Variants in SLC15A5 observed in about 807,000 individuals in gnomAD.
SLC15A5 encodes solute carrier family 15 member 5.
A neutral mutation model predicts 56.1 loss-of-function variants in SLC15A5; 58 were observed. The ratio of observed to expected loss-of-function variants is 1.03; its 90% CI spans 0.84 to 1.29. SLC15A5 has a LOEUF of 1.29. SLC15A5 is among the 50% of genes most tolerant of loss of function. The probability of loss-of-function intolerance (pLI) is 0.00; values close to 1 mark genes in which losing one functional copy is unlikely to be tolerated. For synonymous variants in SLC15A5, 264 were observed against 250.5 expected, an observed-to-expected ratio of 1.05 and a Z score of -0.51; for missense variants, 681 against 672.1, an observed-to-expected ratio of 1.01 and a Z score of -0.15.
chr12:16,214,129 A>T (rs1187218483), intron 7 of SLC15A5, among the ~76,000 whole-genome samples: 2 of 152,218 alleles, frequency 1.3e-5, no homozygotes, highest in African/African-American at 4.8e-5. Context: ...ACATTTAAAA[A>T]ATTAGAATAA....
At chr12:16,197,509 C>G (rs1527009) in intron 7 of SLC15A5, among the ~76,000 whole-genome samples, 1 of 151,892 alleles carries the variant, frequency 6.6e-6, no homozygotes, top group Non-Finnish European at 1.5e-5. Context: ...GGGCAAATAA[C>G]TGGACCACTT....
chr12:16,272,618 A>G lies in SLC15A5; in HGVS notation c.527T>C (p.Leu176Pro), dbSNP rs1284492937. ...IGGVRAIVCP[L>P]GAFGLQEYGS... ...ATACTCCTGAAGGCCAAAAGCACCC[A>G]GTGGACAGACGATGGCTCTTACGCC... Residue 176 changes from leucine to proline, a missense_variant, in exon 2 of 9, where the codon CTG becomes CCG. Coordinates refer to ENST00000344941, the MANE Select transcript of SLC15A5 (RefSeq NM_001170798.1). 2 of 1,537,038 alleles carry G rather than the reference A, an allele frequency of 1.3e-6. No homozygotes were observed. Among genetic ancestry groups the G allele is most frequent in the Non-Finnish European group, 1.7e-6 (2 of 1,146,692 alleles).
chr12:16,258,990 C>CTTTT (rs35905307), intron 2 of SLC15A5, among the ~76,000 whole-genome samples: 11 of 118,514 alleles, frequency 9.3e-5, no homozygotes, highest in Admixed American at 7.6e-4. Flanking sequence ...TCTTCTTTTT[C>CTTTT]TTTTTTTTTT....
At chr12:16,242,363 A>T (rs1326748407) in intron 4 of SLC15A5, among the ~76,000 whole-genome samples, 2 of 146,080 alleles carry the variant, frequency 1.4e-5, no homozygotes, top group African/African-American at 5.0e-5. Context: ...TGTAGTTTGT[A>T]TCAGGGACTT....
chr12:16,216,039 GTAAAT>G (rs2136246090), intron 7 of SLC15A5, among the ~76,000 whole-genome samples: 1 of 151,734 alleles, frequency 6.6e-6, no homozygotes, highest in East Asian at 1.9e-4. Flanking sequence ...TTGAAAGCAG[GTAAAT>G]TAAATTTGTC....
At chr12:16,256,873 AT>A (rs1457236305) in intron 3 of SLC15A5, among the ~76,000 whole-genome samples, 63 of 148,950 alleles carry the variant, frequency 4.2e-4, no homozygotes, top group African/African-American at 1.3e-3. Flanking sequence ...AAAAAAAATA[AT>A]AATAATAATA....
chr12:16,217,230 A>G (rs963190239), intron 6 of SLC15A5, among the ~76,000 whole-genome samples: 1 of 152,142 alleles, frequency 6.6e-6, no homozygotes, highest in African/African-American at 2.4e-5. Context: ...ACAAAAATAT[A>G]CCTTGACCCA....
At chr12:16,270,516 A>G (rs1005598055) in intron 2 of SLC15A5, among the ~76,000 whole-genome samples, 1 of 152,188 alleles carries the variant, frequency 6.6e-6, no homozygotes, top group Admixed American at 6.5e-5. Context: ...CAGCATTTAG[A>G]CAATGGTTTC....
chr12:16,266,274 CT>C (rs1293660940), intron 2 of SLC15A5, among the ~76,000 whole-genome samples: 2 of 151,154 alleles, frequency 1.3e-5, no homozygotes, highest in African/African-American at 2.4e-5. Flanking sequence ...TGTTACAGTG[CT>C]TTCAGTCTTT....
intron 7 of SLC15A5, 35 bp downstream of exon 7, chr12:16,216,858 C>A: frequency 2.6e-6 from 4 of 1,511,578 alleles, no homozygotes; most frequent in South Asian, 2.5e-5. Context: ...GTCATCAACT[C>A]AATGTATATA....
intron 5 of SLC15A5, among the ~76,000 whole-genome samples, chr12:16,234,841 G>A (rs1864331566): frequency 6.6e-6 from 1 of 152,098 alleles, no homozygotes; most frequent in Non-Finnish European, 1.5e-5. Flanking sequence ...AAAAAAGTGG[G>A]CATGTTAAGA....
At chr12:16,220,658 A>G (rs934331452) in intron 6 of SLC15A5, among the ~76,000 whole-genome samples, 1 of 152,252 alleles carries the variant, frequency 6.6e-6, no homozygotes, top group Admixed American at 6.5e-5. Flanking sequence ...TAATTGTAAC[A>G]GAGACTGGCC....
At chr12:16,216,819 T>C in intron 7 of SLC15A5, 74 bp downstream of exon 7, 1 of 1,331,418 alleles carries the variant, frequency 7.5e-7, no homozygotes, top group Non-Finnish European at 9.9e-7. Flanking sequence ...CAAAGCCCCT[T>C]TCTTAAGATT....
intron 3 of SLC15A5, among the ~76,000 whole-genome samples, chr12:16,248,502 T>A (rs975111822): frequency 3.3e-5 from 5 of 152,004 alleles, no homozygotes; most frequent in African/African-American, 1.2e-4. Context: ...AAACCTAAGT[T>A]GATCAACTGG....
chr12:16,193,819 GA>G lies in SLC15A5; in HGVS notation c.1592+525del, dbSNP rs1197211655. 8.9e-4 allele frequency among the ~76,000 whole-genome samples: 126 copies of G among 141,918 alleles called. 4 individuals are homozygous for G. Among genetic ancestry groups the G allele is most frequent in the African/African-American group, 3.3e-3 (119 of 35,800 alleles). The allele number at this position is 141,918 out of a possible 152,430, so 93.1% of individuals were successfully genotyped here. ...AGAGAGAGAGAGAGAGAGAGAGAGA[GA>G]GAGAGAGAGAGAGAGAGAGAGAGAG... On this transcript the variant is annotated intron_variant, in intron 8 of 8. Coordinates refer to ENST00000344941, the MANE Select transcript of SLC15A5 (RefSeq NM_001170798.1).
chr12:16,265,333 T>C (rs1437424883), intron 2 of SLC15A5, among the ~76,000 whole-genome samples: 1 of 152,216 alleles, frequency 6.6e-6, no homozygotes, highest in African/African-American at 2.4e-5. Context: ...GCTAGTCTGC[T>C]CACTGTCCCA....
intron 7 of SLC15A5, among the ~76,000 whole-genome samples, chr12:16,195,129 G>A (rs1863881087): frequency 6.6e-6 from 1 of 151,920 alleles, no homozygotes; most frequent in Admixed American, 6.6e-5. Flanking sequence ...AACTATTCAA[G>A]GTTCAAGGTA....
intron 2 of SLC15A5, among the ~76,000 whole-genome samples, chr12:16,264,034 G>T (rs1379037263): frequency 6.6e-6 from 1 of 152,210 alleles, no homozygotes; most frequent in African/African-American, 2.4e-5. Flanking sequence ...GCCTACTGGA[G>T]CTGTGAGAAG....
intron 5 of SLC15A5, among the ~76,000 whole-genome samples, chr12:16,226,072 A>C (rs1430356865): frequency 3.3e-5 from 5 of 152,180 alleles, no homozygotes; most frequent in African/African-American, 7.2e-5. Flanking sequence ...TCTGCTGGGG[A>C]TTGGTTCCAA....
Sources: allele counts gnomAD v4.1 joint callset (sites outside exome capture counted in the v4.1 genomes callset), GRCh38; gene constraint gnomAD v4.1.1; transcripts MANE v1.5; gene names NCBI Gene and HGNC (gene_info 2026-07-23, HGNC 2026-07-21).